VPS13C: variants seen among roughly 807,000 people sequenced by gnomAD.
VPS13C encodes vacuolar protein sorting 13 homolog C, also known as intermembrane lipid transfer protein VPS13C.
Under a neutral mutation model 456.8 loss-of-function variants are expected in VPS13C, and 358 were observed. The observed-to-expected ratio is 0.78, with a 90% CI of 0.72 to 0.86. VPS13C has a LOEUF of 0.86. Ranked by LOEUF, VPS13C falls within the 40% of genes least tolerant of loss-of-function variation. The probability of loss-of-function intolerance (pLI) is 0.00; values close to 1 mark genes in which losing one functional copy is unlikely to be tolerated. For missense variants in VPS13C, 4,818 were observed against 4,385.4 expected (o/e 1.10, Z -2.79); for synonymous variants, 1,578 against 1,486.7 (o/e 1.06, Z -1.41).
intron 64 of VPS13C, among the ~76,000 whole-genome samples, chr15:61,909,613 T>C (rs964692702): frequency 6.6e-6 from 1 of 152,214 alleles, no homozygotes; most frequent in African/African-American, 2.4e-5. Flanking sequence ...TACCAGTAAA[T>C]TTTGATAGCA....
At chr15:61,890,537 A>G in intron 66 of VPS13C, 137 bp from the exon 67 acceptor site, 1 of 727,212 alleles carries the variant, frequency 1.4e-6, no homozygotes, top group Non-Finnish European at 2.2e-6. Flanking sequence ...TCAAAATGAC[A>G]TAAATTAAGC....
intron 64 of VPS13C, 65 bp from the exon 65 acceptor site, chr15:61,909,190 T>G (rs998757953): frequency 1.3e-6 from 2 of 1,578,420 alleles, no homozygotes; most frequent in Non-Finnish European, 1.7e-6. Context: ...ATATGGAATT[T>G]CAATATTACG....
chr15:62,015,960 CAAAA>C (rs67786303), intron 9 of VPS13C, among the ~76,000 whole-genome samples: 5,819 of 72,416 alleles, frequency 0.08, 310 homozygotes, highest in African/African-American at 0.19. Context: ...AAAAGAAGTC[CAAAA>C]AAAAAAAAAA....
At position 61,927,298 on chromosome 15, in the gene VPS13C, C is replaced by A; in HGVS notation, c.6309G>T (p.Met2103Ile). The change falls in exon 52 of 85, where the codon ATG becomes ATT. Residue 2103 changes from methionine to isoleucine, a missense_variant. By Grantham distance (10) the Met-to-Ile change is conservative. This residue lies in a region of VPS13C where 4,552 missense variants were observed against 4,130.6 expected (regional missense o/e 1.10). Transcript: ENST00000644861. Reference sequence around the variant, plus strand: ...GATCTGTGATCATGGCCTTTAAAGTCATATTTGGTCTAACAGAGTCATCTG... The same window carrying A: ...GATCTGTGATCATGGCCTTTAAAGTAATATTTGGTCTAACAGAGTCATCTG... ...IEKDDSVRPN[M>I]TLKAMITDPE... The A allele has an allele frequency of 1.2e-6, 2 of 1,614,016 alleles. No homozygotes were observed. The highest frequency in any genetic ancestry group is 1.1e-5 in the South Asian group (1 of 91,028).
intron 16 of VPS13C, among the ~76,000 whole-genome samples, chr15:61,996,300 G>C (rs759694282): frequency 2.0e-5 from 3 of 152,112 alleles, no homozygotes; most frequent in Non-Finnish European, 4.4e-5. Flanking sequence ...TTAAAGAGCT[G>C]AACTGAAATC....
intron 1 of VPS13C, among the ~76,000 whole-genome samples, chr15:62,052,763 T>C (rs996198491): frequency 3.3e-5 from 5 of 150,224 alleles, no homozygotes; most frequent in African/African-American, 1.2e-4. Context: ...AATTAACCAA[T>C]CTAGACTCCT....
chr15:61,964,580 T>A (rs2045320992), intron 31 of VPS13C, 119 bp downstream of exon 31: 1 of 985,498 alleles, frequency 1.0e-6, no homozygotes, highest in South Asian at 1.9e-5. Flanking sequence ...ATAATTTAAT[T>A]TGAAGAAAAG....
Position 61,867,011 on chromosome 15 carries a change from G to T in VPS13C, c.10863+1648C>A. 1.1e-6 allele frequency: 1 copy of T among 941,062 alleles called. No homozygotes were observed. The highest frequency in any genetic ancestry group is 1.8e-5 in the African/African-American group (1 of 56,376). The allele number at this position is 941,062 out of a possible 1,614,324, so 58.3% of individuals were successfully genotyped here. ...AAAAAGAAATTGAAACATAACTTAT[G>T]TTGAGAATTAAGAGGATACTAATTT... On this transcript the variant is annotated intron_variant, in intron 81 of 84. Coordinates refer to ENST00000644861, the MANE Select transcript of VPS13C (RefSeq NM_020821.3). This position sits in a 1 kb window ranked among gnomAD's most constrained non-coding sequence, Gnocchi z 5.0.
intron 81 of VPS13C, chr15:61,865,684 ATGTGTATATATATG>A (rs1299794066): frequency 1.8e-5 from 7 of 384,512 alleles, no homozygotes; most frequent in Non-Finnish European, 1.4e-5. Flanking sequence ...GTATATTTGT[ATGTGTATATATATG>A]TGTGTATATG....
rs757489479 is a variant in VPS13C, at chr15:61,969,368, T to A, written c.2842A>T (p.Met948Leu). ...ACCACAGTTAAGTCAAATGTTCTCA[T>A]TGTGGCCTCTGTTCCTAACTGAGTA... ...NVTQLGTEATMRTFDLTVVSY... is the reference protein window; with the variant it reads ...NVTQLGTEATLRTFDLTVVSY... Residue 948 changes from methionine (M) to leucine (L), a missense_variant, in exon 28 of 85, where the codon ATG becomes TTG. This residue lies in a region of VPS13C where 4,552 missense variants were observed against 4,130.6 expected (regional missense o/e 1.10). Coordinates refer to ENST00000644861, the MANE Select transcript of VPS13C (RefSeq NM_020821.3). The A allele has an allele frequency of 6.9e-6, 11 of 1,603,792 alleles. 1 individual carries two copies. The Admixed American group carries it at 1.9e-4, about 27-fold the overall frequency.
Position 61,922,403 on chromosome 15 carries a change from T to C in VPS13C, c.6969A>G (p.Thr2323=). Residue 2323 remains threonine (T), a synonymous_variant, in exon 54 of 85, where the codon ACA becomes ACG. Coordinates refer to ENST00000644861, the MANE Select transcript of VPS13C (RefSeq NM_020821.3). Reference sequence around the variant, plus strand: ...TTAAGTGATGTGGCCATACCTGTAGTGTCACGTCAGCAACAGCAGCCATTA... The same window carrying C: ...TTAAGTGATGTGGCCATACCTGTAGCGTCACGTCAGCAACAGCAGCCATTA... ...TSLMAAVADV[T]LQVHYYNEIH... 1 of 1,612,338 alleles carries C rather than the reference T, an allele frequency of 6.2e-7. No homozygotes were observed. The highest frequency in any genetic ancestry group is 8.5e-7 in the Non-Finnish European group (1 of 1,179,142).
At chr15:61,869,723 G>A in intron 79 of VPS13C, 100 bp from the exon 80 acceptor site, 4 of 1,523,272 alleles carry the variant, frequency 2.6e-6, no homozygotes, top group East Asian at 2.3e-5. Context: ...GTTTTACCCA[G>A]GAAGTTACAA....
intron 9 of VPS13C, among the ~76,000 whole-genome samples, chr15:62,017,970 G>A (rs2047318923): frequency 6.6e-6 from 1 of 152,080 alleles, no homozygotes; most frequent in Non-Finnish European, 1.5e-5. Flanking sequence ...ATTGAGCAGT[G>A]GTTTGTAGTT....
chr15:62,060,241 G>A, intron 1 of VPS13C, 34 bp downstream of exon 1: 3 of 1,353,968 alleles, frequency 2.2e-6, no homozygotes, highest in East Asian at 2.4e-5. Flanking sequence ...GGCCCTCAGC[G>A]CCCGCAGCCC....
In VPS13C at chr15:61,915,891, T is replaced by C; in HGVS notation, c.8187A>G (p.Ile2729Met). 1 of 1,614,006 alleles carries C rather than the reference T, an allele frequency of 6.2e-7. No individual in the cohort carries two copies. Among genetic ancestry groups the C allele is most frequent in the Non-Finnish European group, 8.5e-7 (1 of 1,180,012 alleles). ...GAAAGAATTCTGGTAGTGTATCACG[T>C]ATGCGGAAATGTCCATTCCAGTTTT... Reference protein sequence around the residue: ...QGKNWNGHFRIRDTLPEFFPV... With the variant: ...QGKNWNGHFRMRDTLPEFFPV... The change falls in exon 61 of 85, where the codon ATA (isoleucine) becomes ATG (methionine). Residue 2729 changes from isoleucine (I) to methionine (M), a missense_variant. Transcript: ENST00000644861.
rs369302453 is a variant in VPS13C at position 61,927,228 on chromosome 15, C to A, written c.6379G>T (p.Ala2127Ser). The part of the protein sequence containing the change: ...VASLTKADAP[A>S]LTASFQCNLS... ...TTGCACTGAAACGAGGCTGTCAGAGCAGGAGCATCAGCCTTTGTCAGGCTG... is the reference window on the plus strand; with the variant it reads ...TTGCACTGAAACGAGGCTGTCAGAGAAGGAGCATCAGCCTTTGTCAGGCTG... Residue 2127 changes from alanine to serine, a missense_variant, in exon 52 of 85, where the codon GCT (alanine) becomes TCT (serine). Ala to Ser is a moderately conservative substitution (Grantham distance 99). Transcript: ENST00000644861. 4 of 1,614,176 alleles carry A rather than the reference C, an allele frequency of 2.5e-6. No individual in the cohort carries two copies. The South Asian group carries it at 3.3e-5, about 13-fold the overall frequency.
intron 42 of VPS13C, among the ~76,000 whole-genome samples, chr15:61,948,391 A>AG (rs1462626684): frequency 6.6e-6 from 1 of 152,118 alleles, no homozygotes; most frequent in African/African-American, 2.4e-5. Flanking sequence ...GTTTAAAAAA[A>AG]TCACATCCGG....
chr15:61,902,504 G>A (rs936771812), intron 66 of VPS13C, among the ~76,000 whole-genome samples: 2 of 151,916 alleles, frequency 1.3e-5, no homozygotes, highest in Non-Finnish European at 2.9e-5. Flanking sequence ...CCATCACTAG[G>A]GTCAAATGAG....
chr15:61,909,577 T>C (rs985950810), intron 64 of VPS13C, among the ~76,000 whole-genome samples: 3 of 152,250 alleles, frequency 2.0e-5, no homozygotes, highest in African/African-American at 7.2e-5. Flanking sequence ...GCATTATATA[T>C]TGATATAGCA....
Sources: gnomAD v4.1 joint callset for allele counts (sites outside exome capture counted in the v4.1 genomes callset) on GRCh38, gnomAD v4.1.1 for gene constraint, gnomAD v4.1.1 regional missense constraint, Gnocchi (gnomAD v3.1) non-coding constraint, MANE v1.5 for transcripts, NCBI Gene and HGNC (gene_info 2026-07-23, HGNC 2026-07-21) for gene names.